Variants in TCF7L2 observed in about 807,000 individuals in gnomAD.
TCF7L2 encodes transcription factor 7 like 2.
A neutral mutation model predicts 77.9 loss-of-function variants in TCF7L2; 23 were observed. The observed-to-expected ratio is 0.30, with a 90% confidence interval of 0.21 to 0.42. The LOEUF (loss-of-function observed/expected upper bound fraction) is 0.42. TCF7L2 is among the 10% of genes least tolerant of loss of function. TCF7L2 has a pLI of 1.00. For synonymous variants in TCF7L2, 413 were observed against 340.2 expected (o/e 1.21, Z -2.36); for missense variants, 654 against 793.1 (o/e 0.82, Z 2.11).
intron 4 of TCF7L2, among the ~76,000 whole-genome samples, chr10:113,015,063 G>A (rs561273165): frequency 6.6e-6 from 1 of 152,260 alleles, no homozygotes; most frequent in African/African-American, 2.4e-5. Context: ...GCGGACGCCT[G>A]TAAGCCCAGC....
At chr10:113,160,237 G>A (rs2072928024) in intron 12 of TCF7L2, among the ~76,000 whole-genome samples, 2 of 151,812 alleles carry the variant, frequency 1.3e-5, no homozygotes, top group Admixed American at 6.6e-5. Context: ...AAACCTTAGC[G>A]CGCCCCCTCC....
chr10:112,964,636 AAG>A lies in TCF7L2; in HGVS notation c.450+16_450+17del, dbSNP rs1209000750. ...AGATTGCAGTTCAGGTAGGAAACGCAAGAGATTCTGAAGCTTGAATTGTCTAT... is the reference window on the plus strand; with the variant it reads ...AGATTGCAGTTCAGGTAGGAAACGCAAGATTCTGAAGCTTGAATTGTCTAT... On this transcript the variant is annotated intron_variant, in intron 4 of 13. Coordinates refer to ENST00000627217, the MANE Select transcript of TCF7L2 (RefSeq NM_001146274.2). 1.2e-6 allele frequency: 2 copies of A among 1,611,206 alleles called. No homozygotes were observed. The highest frequency in any genetic ancestry group is 3.3e-5 in the Admixed American group (2 of 59,954).
intron 5 of TCF7L2, among the ~76,000 whole-genome samples, chr10:113,098,819 C>T (rs893174794): frequency 2.0e-5 from 3 of 152,228 alleles, no homozygotes; most frequent in Non-Finnish European, 4.4e-5. Flanking sequence ...ATTGCCACCA[C>T]GTAGGACACA....
intron 5 of TCF7L2, among the ~76,000 whole-genome samples, chr10:113,093,967 C>G (rs2060661619): frequency 6.6e-6 from 1 of 152,210 alleles, no homozygotes; most frequent in Non-Finnish European, 1.5e-5. Context: ...GTTCTATAAA[C>G]TTTTCCTGAT....
chr10:113,011,209 C>T (rs1195669242), intron 4 of TCF7L2, among the ~76,000 whole-genome samples: 2 of 152,066 alleles, frequency 1.3e-5, no homozygotes, highest in African/African-American at 4.8e-5. Flanking sequence ...GGCAGATGAG[C>T]AGTCATTTTC....
At position 113,047,410 on chromosome 10, in the gene TCF7L2, G is replaced by A. The variant is rs555240302; in HGVS notation, c.552+7284G>A. 2.0e-5 allele frequency among the ~76,000 whole-genome samples: 3 copies of A among 152,280 alleles called. No homozygotes were observed. In the South Asian group the frequency reaches 6.2e-4, roughly 32 times the overall value. ...CTTAACTCCACCCCGCCCTAGAACA[G>A]AGACCCAGCCCATCCAAGTCAGCCT... On this transcript the variant is annotated intron_variant, in intron 5 of 13. Transcript: ENST00000627217.
intron 4 of TCF7L2, among the ~76,000 whole-genome samples, chr10:113,033,450 G>T (rs555681219): frequency 3.9e-5 from 6 of 151,936 alleles, no homozygotes; most frequent in Admixed American, 3.9e-4. Context: ...TAGAGATGGG[G>T]TCTCCTAGGC....
chr10:113,109,979 A>G (rs2062913082), intron 5 of TCF7L2, among the ~76,000 whole-genome samples: 1 of 152,362 alleles, frequency 6.6e-6, no homozygotes, highest in Admixed American at 6.5e-5. Flanking sequence ...TTATAACATC[A>G]TTTCATACAG....
At chr10:113,055,885 T>C (rs2055287979) in intron 5 of TCF7L2, among the ~76,000 whole-genome samples, 1 of 152,246 alleles carries the variant, frequency 6.6e-6, no homozygotes, top group Admixed American at 6.5e-5. Flanking sequence ...TGATTTTGAG[T>C]GGACATCTGC....
chr10:113,145,972 C>CCTCTTT, intron 7 of TCF7L2, 39 bp from the exon 8 acceptor site: 1 of 1,342,580 alleles, frequency 7.4e-7, no homozygotes, highest in South Asian at 1.2e-5. Context: ...CACCCCCACC[C>CCTCTTT]TTGTTTCAAG....
chr10:113,127,620 A>G (rs1233917973), intron 5 of TCF7L2, among the ~76,000 whole-genome samples: 1 of 151,240 alleles, frequency 6.6e-6, no homozygotes, highest in African/African-American at 2.4e-5. Context: ...TTTTTTTTAA[A>G]CCCTACAGAA....
chr10:113,162,536 T>C (rs971150899), intron 13 of TCF7L2, among the ~76,000 whole-genome samples: 2 of 152,336 alleles, frequency 1.3e-5, no homozygotes, highest in East Asian at 3.9e-4. Flanking sequence ...AAAACCTTTG[T>C]AGCTGCTTCC....
intron 5 of TCF7L2, among the ~76,000 whole-genome samples, chr10:113,060,573 C>T (rs1591154971): frequency 6.6e-6 from 1 of 152,200 alleles, no homozygotes; most frequent in Non-Finnish European, 1.5e-5. Flanking sequence ...GAGGGGTTTG[C>T]AGGCAGCTAA....
rs1052452790 is a variant in TCF7L2, at chr10:112,950,956, C to T, written c.189+11C>T. On this transcript the variant is annotated intron_variant, in intron 1 of 13. Coordinates refer to ENST00000627217, the MANE Select transcript of TCF7L2 (RefSeq NM_001146274.2). ...TCCTCCGATTCCGAGGTAGGAAAAG[C>T]CCCTCGGGCTGGTGGGGTTTTTTAT... 2 of 1,605,634 alleles carry T rather than the reference C, an allele frequency of 1.2e-6. No homozygotes were observed. The highest frequency in any genetic ancestry group is 3.5e-5 in the Admixed American group (2 of 57,718).
At chr10:113,124,679 G>A (rs1564927003) in intron 5 of TCF7L2, among the ~76,000 whole-genome samples, 1 of 151,950 alleles carries the variant, frequency 6.6e-6, no homozygotes. Flanking sequence ...CAGGTAAGCT[G>A]CAAATTTTTA....
At chr10:112,980,522 C>T (rs1387155290) in intron 4 of TCF7L2, among the ~76,000 whole-genome samples, 1 of 152,102 alleles carries the variant, frequency 6.6e-6, no homozygotes, top group African/African-American at 2.4e-5. Context: ...TCACGAAGTT[C>T]GGAACTAGAT....
At chr10:113,161,483 C>T in intron 13 of TCF7L2, 1 of 1,361,986 alleles carries the variant, frequency 7.3e-7, no homozygotes, top group Admixed American at 2.0e-5. Flanking sequence ...GTACTTCCTT[C>T]TTGGTGGAGG....
chr10:112,962,771 G>A (rs1418765521), intron 3 of TCF7L2, among the ~76,000 whole-genome samples: 1 of 152,072 alleles, frequency 6.6e-6, no homozygotes, highest in African/African-American at 2.4e-5. Flanking sequence ...GCTAATTTTT[G>A]TATTCTTGGT....
At chr10:113,125,158 A>G (rs573205144) in intron 5 of TCF7L2, among the ~76,000 whole-genome samples, 35 of 152,258 alleles carry the variant, frequency 2.3e-4, no homozygotes, top group African/African-American at 7.9e-4. Context: ...CTGAGCCGCT[A>G]CAGTAAAAGT....
Sources: allele counts gnomAD v4.1 joint callset (sites outside exome capture counted in the v4.1 genomes callset), GRCh38; gene constraint gnomAD v4.1.1; transcripts MANE v1.5; gene names NCBI Gene and HGNC (gene_info 2026-07-23, HGNC 2026-07-21).